The following TRPM3 variants were observed in gnomAD, a reference collection of about 807,000 sequenced individuals.
TRPM3 encodes the protein long transient receptor potential channel 3.
A neutral mutation model predicts 181.2 loss-of-function variants in TRPM3; 77 were observed. That is an observed-to-expected ratio of 0.42 (90% CI 0.35 to 0.51). The LOEUF is 0.51. Among genes scored for constraint, TRPM3 ranks in the 20% least tolerant of loss-of-function variants. TRPM3 has a pLI of 0.01. For missense variants in TRPM3, 1,759 were observed against 2,196.7 expected (o/e 0.80, Z 3.98); for synonymous variants, 745 against 796.4 (o/e 0.94, Z 1.09).
rs377166118 is a variant in TRPM3 at position 71,255,649 on chromosome 9, T to G, written c.183+191004A>C. ...CTGGTTTAATTTCTTGAGTCTTTGT[T>G]GAACTGTGTTCTTAAACCTGAGCAA... On this transcript the variant is annotated intron_variant, in intron 1 of 24. Transcript: ENST00000357533. 5.3e-5 allele frequency among the ~76,000 whole-genome samples: 8 copies of G among 152,374 alleles called. No homozygotes were observed. In the East Asian group the frequency reaches 1.5e-3, roughly 29 times the overall value.
chr9:70,695,843 T>C (rs2070220720), intron 8 of TRPM3, among the ~76,000 whole-genome samples: 1 of 152,194 alleles, frequency 6.6e-6, no homozygotes, highest in Non-Finnish European at 1.5e-5. Flanking sequence ...AGATACCACA[T>C]GGAGAACCAT....
chr9:70,752,390 A>C (rs2076351388), intron 8 of TRPM3, among the ~76,000 whole-genome samples: 1 of 152,184 alleles, frequency 6.6e-6, no homozygotes, highest in African/African-American at 2.4e-5. Context: ...ATCATACACA[A>C]AAAAAATCAG....
intron 1 of TRPM3, among the ~76,000 whole-genome samples, chr9:71,230,372 A>T (rs1221038781): frequency 6.6e-6 from 1 of 152,130 alleles, no homozygotes; most frequent in Non-Finnish European, 1.5e-5. Context: ...GTACAAAAAA[A>T]TAGAAAATAT....
intron 1 of TRPM3, among the ~76,000 whole-genome samples, chr9:71,156,666 T>C (rs1304682406): frequency 6.6e-6 from 1 of 152,104 alleles, no homozygotes; most frequent in Non-Finnish European, 1.5e-5. Context: ...CAAAATCTAC[T>C]TATATTTCCT....
intron 6 of TRPM3, among the ~76,000 whole-genome samples, chr9:70,795,930 T>C (rs1290935129): frequency 1.3e-5 from 2 of 152,246 alleles, no homozygotes; most frequent in Admixed American, 1.3e-4. Flanking sequence ...GTAAGACAAG[T>C]ATTATTTTCA....
chr9:71,184,579 T>C (rs1323235400), intron 1 of TRPM3, among the ~76,000 whole-genome samples: 2 of 152,164 alleles, frequency 1.3e-5, no homozygotes, highest in African/African-American at 4.8e-5. Context: ...ATTGAGCAGA[T>C]TCCATGTCTG....
At chr9:71,372,672 A>G (rs1377616731) in intron 1 of TRPM3, among the ~76,000 whole-genome samples, 1 of 152,142 alleles carries the variant, frequency 6.6e-6, no homozygotes, top group Non-Finnish European at 1.5e-5. Flanking sequence ...GAGTCTGTTC[A>G]TGTTCTTTGC....
At chr9:70,677,862 T>A (rs2064402438) in intron 9 of TRPM3, among the ~76,000 whole-genome samples, 1 of 152,088 alleles carries the variant, frequency 6.6e-6, no homozygotes, top group African/African-American at 2.4e-5. Flanking sequence ...GTAGCTTGTT[T>A]TAGCAAATAA....
At chr9:71,078,689 C>A (rs542315553) in intron 1 of TRPM3, among the ~76,000 whole-genome samples, 69 of 152,296 alleles carry the variant, frequency 4.5e-4, no homozygotes, top group African/African-American at 1.6e-3. Flanking sequence ...AAAGCATCTT[C>A]CCCTAATAAT....
chr9:70,798,612 T>G (rs2087911861), intron 6 of TRPM3, among the ~76,000 whole-genome samples: 1 of 152,208 alleles, frequency 6.6e-6, no homozygotes, highest in Non-Finnish European at 1.5e-5. Flanking sequence ...AACATTCTGG[T>G]TCTTACAGTG....
chr9:71,020,788 A>T (rs1199950083), intron 1 of TRPM3, among the ~76,000 whole-genome samples: 1 of 152,200 alleles, frequency 6.6e-6, no homozygotes, highest in African/African-American at 2.4e-5. Context: ...ACTATAGAAC[A>T]GGAAAACTTA....
At chr9:71,150,440 T>C (rs1018908170) in intron 1 of TRPM3, among the ~76,000 whole-genome samples, 2 of 152,168 alleles carry the variant, frequency 1.3e-5, no homozygotes, top group East Asian at 1.9e-4. Context: ...CACTCTCTTA[T>C]ACCTTTGAAC....
At chr9:71,014,579 G>A (rs1337501447) in intron 1 of TRPM3, among the ~76,000 whole-genome samples, 3 of 151,882 alleles carry the variant, frequency 2.0e-5, no homozygotes, top group African/African-American at 7.3e-5. Flanking sequence ...ATTGTGTATC[G>A]TGGCCTTTAG....
chr9:70,648,992 G>A (rs766124697), intron 9 of TRPM3, among the ~76,000 whole-genome samples: 1 of 152,056 alleles, frequency 6.6e-6, no homozygotes, highest in Non-Finnish European at 1.5e-5. Context: ...ATTAGACAAT[G>A]AGACCTAATT....
chr9:70,776,279 C>A, intron 7 of TRPM3: 1 of 557,828 alleles, frequency 1.8e-6, no homozygotes, highest in South Asian at 2.5e-5. Context: ...GGTTAGGACT[C>A]TTTAAAGGCT....
chr9:70,754,064 G>C (rs746882804), intron 8 of TRPM3, among the ~76,000 whole-genome samples: 1 of 152,202 alleles, frequency 6.6e-6, no homozygotes, highest in Non-Finnish European at 1.5e-5. Context: ...TACTGCCCCA[G>C]TCTGGGGTTG....
intron 5 of TRPM3, among the ~76,000 whole-genome samples, chr9:70,841,624 CTATATA>C (rs72421594): frequency 0.019 from 1,390 of 72,864 alleles, 43 homozygotes; most frequent in African/African-American, 0.065. Context: ...CTATATCCCA[CTATATA>C]TATATATATA....
At chr9:70,538,670 C>T (rs968867946) in intron 25 of TRPM3, among the ~76,000 whole-genome samples, 3 of 152,184 alleles carry the variant, frequency 2.0e-5, no homozygotes, top group Non-Finnish European at 2.9e-5. Flanking sequence ...TCAAGTGCTT[C>T]TCGTGCCTCA....
intron 1 of TRPM3, among the ~76,000 whole-genome samples, chr9:71,081,051 T>G (rs140381729): frequency 2.9e-3 from 442 of 152,290 alleles, no homozygotes; most frequent in African/African-American, 9.9e-3. Flanking sequence ...GAGGTAGGAC[T>G]GTCCCTCTCA....
Sources: gnomAD v4.1 joint callset for allele counts (sites outside exome capture counted in the v4.1 genomes callset) on GRCh38, gnomAD v4.1.1 for gene constraint, MANE v1.5 for transcripts, NCBI Gene and HGNC (gene_info 2026-07-23, HGNC 2026-07-21) for gene names.